ZNF487: variants seen among roughly 807,000 people sequenced by gnomAD.
ZNF487 encodes the protein zinc finger protein 487, also known as KRAB domain only 1.
ZNF487 carries 4 observed loss-of-function variants against 3.0 expected under a neutral mutation model. The ratio of observed to expected loss-of-function variants is 1.35; its 90% confidence interval spans 0.66 to 3.08. The LOEUF (loss-of-function observed/expected upper bound fraction) is 3.08. ZNF487 is among the 30% of genes most tolerant of loss of function. ZNF487 has a pLI of 0.01. For synonymous variants in ZNF487, 55 were observed against 34.6 expected (o/e 1.59, Z -2.06); for missense variants, 146 against 98.7 (o/e 1.48, Z -2.03).
At chr10:43,450,838 T>C (rs959868535) in intron 1 of ZNF487, among the ~76,000 whole-genome samples, 1 of 152,218 alleles carries the variant, frequency 6.6e-6, no homozygotes, top group Non-Finnish European at 1.5e-5. Context: ...TTGACATCTC[T>C]ATTTCCTCGT....
intron 1 of ZNF487, among the ~76,000 whole-genome samples, chr10:43,450,142 C>T (rs1010448443): frequency 1.3e-5 from 2 of 152,134 alleles, no homozygotes; most frequent in African/African-American, 2.4e-5. Flanking sequence ...CTCTCGGGTT[C>T]AAGTGATTCT....
At chr10:43,460,380 C>CTTTTTTTTTTT (rs199998705) in intron 1 of ZNF487, among the ~76,000 whole-genome samples, 2 of 121,122 alleles carry the variant, frequency 1.7e-5, no homozygotes, top group African/African-American at 6.4e-5. Context: ...TTCTTTCTTT[C>CTTTTTTTTTTT]TTTTTTTTTT....
the ZNF487 span, among the ~76,000 whole-genome samples, chr10:43,503,226 A>G: frequency 2.4e-4 from 37 of 152,070 alleles, no homozygotes; most frequent in Non-Finnish European, 4.7e-4. Context: ...GGCCTGGGCT[A>G]ATGTGTATGT....
chr10:43,461,316 GT>G (rs138594367), intron 1 of ZNF487, among the ~76,000 whole-genome samples: 12 of 148,028 alleles, frequency 8.1e-5, no homozygotes, highest in African/African-American at 1.2e-4. Context: ...CCAGTCTTTT[GT>G]TTTTTTTTTT....
At chr10:43,438,820 C>G (rs914380372) in intron 1 of ZNF487, among the ~76,000 whole-genome samples, 1 of 152,168 alleles carries the variant, frequency 6.6e-6, no homozygotes, top group East Asian at 1.9e-4. Flanking sequence ...GCGGCTCATG[C>G]TGGTAATCCC....
At chr10:43,468,382 C>T (rs1330403015) in intron 1 of ZNF487, among the ~76,000 whole-genome samples, 5 of 151,952 alleles carry the variant, frequency 3.3e-5, no homozygotes, top group African/African-American at 4.8e-5. Context: ...AGAAATCTTT[C>T]GTGAAAGGAA....
At chr10:43,456,281 C>A (rs867287791) in intron 1 of ZNF487, among the ~76,000 whole-genome samples, 1 of 152,184 alleles carries the variant, frequency 6.6e-6, no homozygotes, top group African/African-American at 2.4e-5. Context: ...AAAAACAGAG[C>A]AGCACTTGTA....
the ZNF487 span, among the ~76,000 whole-genome samples, chr10:43,495,653 C>T: frequency 6.6e-6 from 1 of 152,176 alleles, no homozygotes; most frequent in South Asian, 2.1e-4. Flanking sequence ...ATTCTTCTTG[C>T]ATTTCTTCTG....
the ZNF487 span, among the ~76,000 whole-genome samples, chr10:43,493,797 C>T: frequency 4.7e-5 from 7 of 147,818 alleles, no homozygotes; most frequent in East Asian, 9.8e-4. Flanking sequence ...AAACTACCCA[C>T]ACTCCGCTGT....
intron 1 of ZNF487, among the ~76,000 whole-genome samples, chr10:43,449,378 A>T (rs1330275698): frequency 6.6e-6 from 1 of 152,146 alleles, no homozygotes; most frequent in Non-Finnish European, 1.5e-5. Context: ...TGACATACAC[A>T]AGTCACAGAG....
chr10:43,447,224 G>A (rs568924415), intron 1 of ZNF487, among the ~76,000 whole-genome samples: 54 of 152,078 alleles, frequency 3.6e-4, no homozygotes, highest in African/African-American at 1.2e-3. Context: ...AGACGGAGAC[G>A]ACGGAGAGGG....
At chr10:43,452,797 A>C (rs1756600769) in intron 1 of ZNF487, 1 of 151,934 alleles carries the variant, frequency 6.6e-6, no homozygotes, top group African/African-American at 2.4e-5. Flanking sequence ...TTGGGTGGGG[A>C]ATCTATCTCG....
chr10:43,507,311 C>T, the ZNF487 span, among the ~76,000 whole-genome samples: 3 of 152,146 alleles, frequency 2.0e-5, no homozygotes, highest in Non-Finnish European at 4.4e-5. Context: ...CCCCCTGGGA[C>T]AGGTCTGCCC....
chr10:43,516,359 C>T, the ZNF487 span, among the ~76,000 whole-genome samples: 1 of 152,128 alleles, frequency 6.6e-6, no homozygotes, highest in East Asian at 1.9e-4. Context: ...TCCAGAAACT[C>T]CAAAACCAAT....
chr10:43,481,342 A>G (rs1477862497), intron 3 of ZNF487, 87 bp from the exon 4 acceptor site: 2 of 630,240 alleles, frequency 3.2e-6, no homozygotes, highest in African/African-American at 1.9e-5. Context: ...CAAAAAAAAA[A>G]AGAAAAAAAA....
intron 1 of ZNF487, chr10:43,454,678 A>G (rs1564416451): frequency 6.6e-6 from 1 of 152,202 alleles, no homozygotes; most frequent in Non-Finnish European, 1.5e-5. Context: ...TGATGTACTT[A>G]TGCTGTTAAA....
chr10:43,461,977 C>T (rs1840447429), intron 1 of ZNF487, among the ~76,000 whole-genome samples: 2 of 152,284 alleles, frequency 1.3e-5, no homozygotes, highest in South Asian at 4.1e-4. Flanking sequence ...AAATTGTTCA[C>T]AGTTTACTTT....
chr10:43,523,046 G>GT, the ZNF487 span, among the ~76,000 whole-genome samples: 1 of 152,128 alleles, frequency 6.6e-6, no homozygotes, highest in African/African-American at 2.4e-5. Flanking sequence ...AGATTACTGT[G>GT]TTTTTATTTG....
intron 3 of ZNF487, among the ~76,000 whole-genome samples, chr10:43,480,957 G>A (rs1841328975): frequency 1.3e-5 from 2 of 152,048 alleles, no homozygotes; most frequent in Non-Finnish European, 1.5e-5. Flanking sequence ...ATGAATAAAG[G>A]TATGCATATG....
Sources: allele counts gnomAD v4.1 joint callset (sites outside exome capture counted in the v4.1 genomes callset), GRCh38; gene constraint gnomAD v4.1.1; transcripts MANE v1.5; gene names NCBI Gene and HGNC (gene_info 2026-07-23, HGNC 2026-07-21).